The following MAP7 variants were observed in gnomAD, a reference collection of about 807,000 sequenced individuals.
The protein encoded by MAP7 is microtubule associated protein 7.
MAP7 carries 52 observed loss-of-function variants against 94.8 expected under a neutral mutation model. The observed-to-expected ratio is 0.55, with a 90% CI of 0.44 to 0.69. The LOEUF is 0.69. Among genes scored for constraint, MAP7 ranks in the 30% least tolerant of loss-of-function variants. The pLI, the probability that MAP7 is intolerant of heterozygous loss-of-function variation, is 0.00. For missense variants in MAP7, 940 were observed against 964.6 expected, an observed-to-expected ratio of 0.97 and a Z score of 0.34; for synonymous variants, 350 against 357.0, an observed-to-expected ratio of 0.98 and a Z score of 0.22.
chr6:136,453,465 T>C (rs1157527355), intron 1 of MAP7, among the ~76,000 whole-genome samples: 1 of 152,222 alleles, frequency 6.6e-6, no homozygotes, highest in Non-Finnish European at 1.5e-5. Context: ...AATTCTTTTA[T>C]TTGCATTTGT....
At chr6:136,413,418 A>G (rs1373597252) in intron 2 of MAP7, among the ~76,000 whole-genome samples, 2 of 151,628 alleles carry the variant, frequency 1.3e-5, no homozygotes, top group African/African-American at 4.8e-5. Flanking sequence ...GCTACTCAGG[A>G]AGCTGGGGCA....
rs140358034 is a variant in MAP7, at chr6:136,356,726, C to T, written c.1981G>A (p.Val661Ile). Reference sequence around the variant, plus strand: ...GTCACTTTTGACTGGTGTGAGGTAACCACATGTGGGCTGCCAACTGGCTTT... The same window carrying T: ...GTCACTTTTGACTGGTGTGAGGTAATCACATGTGGGCTGCCAACTGGCTTT... ...NGKPVGSPHV[V>I]TSHQSKVTVE... The change falls in exon 16 of 18, where the codon GTT becomes ATT. Residue 661 changes from valine to isoleucine, a missense_variant. By Grantham distance (29) the Val-to-Ile change is conservative. Coordinates refer to ENST00000354570, the MANE Select transcript of MAP7 (RefSeq NM_003980.6). The T allele has an allele frequency of 3.1e-6, 5 of 1,614,006 alleles. No homozygotes were observed. The African/African-American group carries it at 6.7e-5, about 22-fold the overall frequency.
Position 136,472,535 on chromosome 6 carries a change from C to T in MAP7, c.68-50736G>A, listed in dbSNP as rs538418190. On this transcript the variant is annotated intron_variant, in intron 1 of 17. Coordinates refer to ENST00000354570, the MANE Select transcript of MAP7 (RefSeq NM_003980.6). ...AAAAACACATATAATTTGATGTTTC[C>T]TTTTTGGTATATCCCAGGCTATGAA... 2.0e-5 allele frequency among the ~76,000 whole-genome samples: 3 copies of T among 152,176 alleles called. No individual in the cohort carries two copies. In the South Asian group the frequency reaches 6.2e-4, roughly 32 times the overall value.
chr6:136,419,997 T>C (rs1790754218), intron 2 of MAP7: 5 of 770,800 alleles, frequency 6.5e-6, no homozygotes, highest in Non-Finnish European at 9.4e-6. Flanking sequence ...AGGACTGTTG[T>C]GACTCAAGGA....
At chr6:136,449,260 A>G (rs1226119271) in intron 1 of MAP7, among the ~76,000 whole-genome samples, 1 of 152,098 alleles carries the variant, frequency 6.6e-6, no homozygotes. Flanking sequence ...GCACCACTAC[A>G]CTCCAGCCTG....
chr6:136,438,390 T>C (rs1562400229), intron 1 of MAP7, among the ~76,000 whole-genome samples: 1 of 152,160 alleles, frequency 6.6e-6, no homozygotes, highest in Non-Finnish European at 1.5e-5. Context: ...ACTCCAGAAT[T>C]TGCTTGGTTT....
At chr6:136,350,032 T>C (rs1467814534) in intron 16 of MAP7, among the ~76,000 whole-genome samples, 2 of 152,190 alleles carry the variant, frequency 1.3e-5, no homozygotes, top group Non-Finnish European at 2.9e-5. Flanking sequence ...ACGAATATAT[T>C]AGGTACTAAA....
At chr6:136,363,784 T>C (rs1793508220) in intron 10 of MAP7, among the ~76,000 whole-genome samples, 1 of 152,174 alleles carries the variant, frequency 6.6e-6, no homozygotes, top group Admixed American at 6.5e-5. Context: ...CCAGGGGTCC[T>C]TAAACTCCAG....
chr6:136,361,300 T>C, intron 11 of MAP7, 121 bp from the exon 12 acceptor site: 1 of 975,040 alleles, frequency 1.0e-6, no homozygotes, highest in East Asian at 2.5e-5. Flanking sequence ...AAATCCCCAC[T>C]GGATGCCTTC....
intron 3 of MAP7, among the ~76,000 whole-genome samples, chr6:136,397,596 T>G (rs1350960100): frequency 7.9e-6 from 1 of 127,220 alleles, no homozygotes; most frequent in African/African-American, 3.0e-5. Context: ...TAAGACTAAA[T>G]GAGGTCATAA....
chr6:136,478,334 C>A (rs1267014669), intron 1 of MAP7, among the ~76,000 whole-genome samples: 1 of 151,936 alleles, frequency 6.6e-6, no homozygotes, highest in South Asian at 2.1e-4. Flanking sequence ...TGTAATCCCA[C>A]CATTTTCGGA....
intron 1 of MAP7, among the ~76,000 whole-genome samples, chr6:136,463,270 C>T (rs1342333582): frequency 1.3e-5 from 2 of 152,102 alleles, no homozygotes; most frequent in African/African-American, 4.8e-5. Flanking sequence ...GTATTAAATG[C>T]TTTAAATACT....
rs369203483 is a variant in MAP7, at chr6:136,388,450, G to C, written c.469C>G (p.His157Asp). 144 of 1,614,058 alleles carry C rather than the reference G, an allele frequency of 8.9e-5. No individual in the cohort carries two copies. Among genetic ancestry groups the C allele is most frequent in the Middle Eastern group, 3.3e-4 (2 of 6,082 alleles). ...MERSQKPKQK[H>D]NRWSWGGSLH... ...GAGCCTCCCCACGACCAACGGTTAT[G>C]CTTCTGTTTTGGCTTCTGGCTCCTT... Residue 157 changes from histidine to aspartate, a missense_variant, in exon 5 of 18, where the codon CAT becomes GAT. Coordinates refer to ENST00000354570, the MANE Select transcript of MAP7 (RefSeq NM_003980.6).
intron 1 of MAP7, chr6:136,526,192 C>T: frequency 4.8e-6 from 6 of 1,252,630 alleles, no homozygotes; most frequent in Non-Finnish European, 6.0e-6. Context: ...TTCCCCACCT[C>T]CCCTACCAGC....
At chr6:136,418,795 C>T (rs1442494693) in intron 2 of MAP7, among the ~76,000 whole-genome samples, 1 of 151,858 alleles carries the variant, frequency 6.6e-6, no homozygotes, top group Non-Finnish European at 1.5e-5. Context: ...ATGCTTTAGA[C>T]AGACATTCCT....
chr6:136,378,778 A>C (rs190294310), intron 6 of MAP7, among the ~76,000 whole-genome samples: 1 of 152,376 alleles, frequency 6.6e-6, no homozygotes, highest in East Asian at 1.9e-4. Context: ...ATGGCTCATG[A>C]AAAGATAGAA....
At chr6:136,480,523 T>C (rs1812421449) in intron 1 of MAP7, among the ~76,000 whole-genome samples, 1 of 151,206 alleles carries the variant, frequency 6.6e-6, no homozygotes, top group Non-Finnish European at 1.5e-5. Context: ...GTGCCTGTAG[T>C]CCCAGCTACT....
chr6:136,401,947 C>T (rs1251869310), intron 3 of MAP7, among the ~76,000 whole-genome samples: 1 of 152,208 alleles, frequency 6.6e-6, no homozygotes, highest in Non-Finnish European at 1.5e-5. Context: ...CCATCCTACA[C>T]ATTAGTCGTC....
rs145871242 is a variant in MAP7 at position 136,540,715 on chromosome 6, T to C, written c.67+9627A>G. The stretch of plus-strand genomic sequence containing the variant: ...ACCACAATAGTCAAATGGAAGGGAA[T>C]ACAATAGGAAATGGTTCTGAATCAT... On this transcript the variant is annotated intron_variant, in intron 1 of 17. Transcript: ENST00000354570. 4.5e-3 allele frequency among the ~76,000 whole-genome samples: 681 copies of C among 152,270 alleles called. 9 individuals carry two copies. The highest frequency in any genetic ancestry group is 8.3e-3 in the Non-Finnish European group (567 of 68,004).
Sources: allele counts gnomAD v4.1 joint callset (sites outside exome capture counted in the v4.1 genomes callset), GRCh38; gene constraint gnomAD v4.1.1; transcripts MANE v1.5; gene names NCBI Gene and HGNC (gene_info 2026-07-23, HGNC 2026-07-21).